The following SLC5A8 variants were observed in gnomAD, a reference collection of about 807,000 sequenced individuals.
The protein encoded by SLC5A8 is sodium-coupled monocarboxylate transporter 1.
Under a neutral mutation model 71.9 loss-of-function variants are expected in SLC5A8, and 55 were observed. The ratio of observed to expected loss-of-function variants is 0.77; its 90% CI spans 0.62 to 0.96. The LOEUF (loss-of-function observed/expected upper bound fraction) is 0.96. Ranked by LOEUF, SLC5A8 falls within the 40% of genes least tolerant of loss-of-function variation. SLC5A8 has a pLI of 0.00. For missense variants in SLC5A8, 701 were observed against 745.3 expected (o/e 0.94, Z 0.69); for synonymous variants, 307 against 276.1 (o/e 1.11, Z -1.11).
chr12:101,168,956 A>C (rs1311623966), intron 10 of SLC5A8, among the ~76,000 whole-genome samples: 1 of 152,220 alleles, frequency 6.6e-6, no homozygotes, highest in East Asian at 1.9e-4. Context: ...CAAAGAGAAA[A>C]TACCAAGTCA....
At chr12:101,174,499 C>T (rs2051860901) in intron 10 of SLC5A8, among the ~76,000 whole-genome samples, 1 of 152,118 alleles carries the variant, frequency 6.6e-6, no homozygotes, top group Non-Finnish European at 1.5e-5. Flanking sequence ...GTATTTAGTC[C>T]AGGTTAGTTA....
intron 1 of SLC5A8, among the ~76,000 whole-genome samples, chr12:101,208,568 C>A (rs1225550775): frequency 2.1e-5 from 3 of 145,706 alleles, no homozygotes; most frequent in Admixed American, 2.0e-4. Flanking sequence ...TTAAACTAAA[C>A]GTGCATCATC....
chr12:101,158,598 C>CTCTCTATATATATATA (rs1411795424), intron 13 of SLC5A8, among the ~76,000 whole-genome samples: 6 of 21,238 alleles, frequency 2.8e-4, no homozygotes, highest in Non-Finnish European at 3.5e-4. Context: ...CTCTCTCTCT[C>CTCTCTATATATATATA]TATATATATA....
At chr12:101,162,521 AG>A (rs2051733375) in intron 12 of SLC5A8, among the ~76,000 whole-genome samples, 1 of 152,244 alleles carries the variant, frequency 6.6e-6, no homozygotes, top group Non-Finnish European at 1.5e-5. Flanking sequence ...GACTGGATAA[AG>A]AAAATGTGGT....
At chr12:101,173,217 T>C (rs1281091053) in intron 10 of SLC5A8, among the ~76,000 whole-genome samples, 4 of 152,230 alleles carry the variant, frequency 2.6e-5, no homozygotes, top group Non-Finnish European at 5.9e-5. Flanking sequence ...TCTCGGCCTA[T>C]GAGTTGCAAA....
chr12:101,209,910 C>A lies in SLC5A8; in HGVS notation c.-62G>T. The stretch of plus-strand genomic sequence containing the variant: ...TGGCCCCGCGGCGCGCAGCCGGAGC[C>A]CGGCGCGCACTTCTTATCCCGGATC... On this transcript the variant is annotated 5_prime_UTR_variant, in exon 1 of 15. Coordinates refer to ENST00000536262, the MANE Select transcript of SLC5A8 (RefSeq NM_145913.5). 5 of 1,398,480 alleles carry A rather than the reference C, an allele frequency of 3.6e-6. No individual in the cohort carries two copies. The South Asian group carries it at 7.3e-5, about 21-fold the overall frequency. The allele number at this position is 1,398,480 out of a possible 1,614,324, so 86.6% of individuals were successfully genotyped here.
chr12:101,158,325 C>A lies in SLC5A8; in HGVS notation c.1634G>T (p.Gly545Val). Residue 545 changes from glycine (G) to valine (V), a missense_variant, in exon 14 of 15, where the codon GGA becomes GTA. Coordinates refer to ENST00000536262, the MANE Select transcript of SLC5A8 (RefSeq NM_145913.5). ...VGILVSLSTG[G>V]RKQNLDPRYI... ...TCTGGGGTCTAAGTTCTGTTTTCTT[C>A]CTCCTGGAAAAAAAAATGTACATGA... 6.3e-7 allele frequency: 1 copy of A among 1,577,480 alleles called. No homozygotes were observed. The highest frequency in any genetic ancestry group is 1.2e-5 in the South Asian group (1 of 86,626).
intron 3 of SLC5A8, among the ~76,000 whole-genome samples, chr12:101,200,946 A>G (rs1869434481): frequency 6.6e-6 from 1 of 152,200 alleles, no homozygotes; most frequent in African/African-American, 2.4e-5. Flanking sequence ...TTCTGTGTCT[A>G]TGCCTGTACC....
chr12:101,179,779 T>A (rs992186260), intron 10 of SLC5A8, among the ~76,000 whole-genome samples: 1 of 152,178 alleles, frequency 6.6e-6, no homozygotes, highest in African/African-American at 2.4e-5. Flanking sequence ...CTGCAAGATG[T>A]TACCACTGAG....
intron 10 of SLC5A8, among the ~76,000 whole-genome samples, chr12:101,175,604 AAAAAC>A (rs749179343): frequency 2.0e-5 from 3 of 152,052 alleles, no homozygotes; most frequent in African/African-American, 4.8e-5. Flanking sequence ...AAACTAAAGA[AAAAAC>A]AAAACAAAAC....
At chr12:101,185,432 A>G (rs2137149104) in intron 7 of SLC5A8, among the ~76,000 whole-genome samples, 1 of 152,340 alleles carries the variant, frequency 6.6e-6, no homozygotes, top group South Asian at 2.1e-4. Context: ...TGGCCCCCTC[A>G]AGTATAGGTA....
In SLC5A8 at chr12:101,168,441, C is replaced by T. The variant is rs147109541; in HGVS notation, c.1234-259G>A. On this transcript the variant is annotated intron_variant, in intron 10 of 14. Transcript: ENST00000536262. ...ACAAAGAAGATAGAGAGGTCTGCGA[C>T]AATGGTAGTGCCTATGTGAATGTAT... Among the ~76,000 whole-genome samples, 344 of 152,308 alleles carry T rather than the reference C, an allele frequency of 2.3e-3. 1 individual carries two copies. The highest frequency in any genetic ancestry group is 4.2e-3 in the Non-Finnish European group (286 of 68,026).
intron 2 of SLC5A8, among the ~76,000 whole-genome samples, 185 bp from the exon 3 acceptor site, chr12:101,202,400 T>G (rs1354037612): frequency 6.6e-6 from 1 of 152,224 alleles, no homozygotes; most frequent in Non-Finnish European, 1.5e-5. Context: ...CTCTTCTGTT[T>G]ACGGTATGAC....
At chr12:101,160,512 G>A (rs1057014750) in intron 13 of SLC5A8, among the ~76,000 whole-genome samples, 3 of 152,142 alleles carry the variant, frequency 2.0e-5, no homozygotes, top group Admixed American at 2.0e-4. Context: ...ACAACTAGTT[G>A]TAACACATGT....
At chr12:101,204,358 A>G in intron 2 of SLC5A8, 142 bp downstream of exon 2, 1 of 689,932 alleles carries the variant, frequency 1.4e-6, no homozygotes, top group Non-Finnish European at 2.5e-6. Flanking sequence ...GTACAGTGAC[A>G]AGTGTTTTTC....
chr12:101,210,027 A>C lies in SLC5A8; in HGVS notation c.-179T>G, dbSNP rs1410379145. Reference sequence around the variant, plus strand: ...ACCCCGAGGCGGGGTGAGGGCTGGCAGTCGCCCCTGCACCCGCCGCTGCGA... The same window carrying C: ...ACCCCGAGGCGGGGTGAGGGCTGGCCGTCGCCCCTGCACCCGCCGCTGCGA... On this transcript the variant is annotated 5_prime_UTR_variant, in exon 1 of 15. Transcript: ENST00000536262. 1.8e-6 allele frequency: 1 copy of C among 552,662 alleles called. No homozygotes were observed. The highest frequency in any genetic ancestry group is 2.0e-5 in the African/African-American group (1 of 49,728). The allele number at this position is 552,662 out of a possible 1,614,324, so 34.2% of individuals were successfully genotyped here. A position where few individuals can be genotyped will look rare whatever the true frequency, so the allele number is the denominator to read the frequency against.
chr12:101,187,632 T>C lies in SLC5A8; in HGVS notation c.834-117A>G, dbSNP rs1196417061. On this transcript the variant is annotated intron_variant, in intron 6 of 14. Transcript: ENST00000536262. The stretch of plus-strand genomic sequence containing the variant: ...GATTAGACTCAATAAATGTACATTA[T>C]CTTTTGATTATCGAAAACTCTACTT... 16 of 1,101,606 alleles carry C rather than the reference T, an allele frequency of 1.5e-5. No individual in the cohort carries two copies. The African/African-American group carries it at 2.4e-4, about 17-fold the overall frequency. The allele number at this position is 1,101,606 out of a possible 1,614,324, so 68.2% of individuals were successfully genotyped here.
At chr12:101,176,901 GAGAAA>G (rs1486238297) in intron 10 of SLC5A8, among the ~76,000 whole-genome samples, 1 of 151,646 alleles carries the variant, frequency 6.6e-6, no homozygotes, top group Non-Finnish European at 1.5e-5. Flanking sequence ...TCAAAGCAAG[GAGAAA>G]AGAAATCATA....
In SLC5A8 at chr12:101,164,888, C is replaced by A. The variant is rs150948883; in HGVS notation, c.1526+1606G>T. On this transcript the variant is annotated intron_variant, in intron 12 of 14. Coordinates refer to ENST00000536262, the MANE Select transcript of SLC5A8 (RefSeq NM_145913.5). Reference sequence around the variant, plus strand: ...GATCTTCCCCTTCATCTAGCCAAACCTATGCATTCTTGAAGTAGTAGTATA... The same window carrying A: ...GATCTTCCCCTTCATCTAGCCAAACATATGCATTCTTGAAGTAGTAGTATA... Among the ~76,000 whole-genome samples the A allele has an allele frequency of 7.9e-5, 12 of 152,306 alleles. No homozygotes were observed. In the East Asian group the frequency reaches 2.1e-3, roughly 27 times the overall value.
Sources: gnomAD v4.1 joint callset for allele counts (sites outside exome capture counted in the v4.1 genomes callset) on GRCh38, gnomAD v4.1.1 for gene constraint, MANE v1.5 for transcripts, NCBI Gene and HGNC (gene_info 2026-07-23, HGNC 2026-07-21) for gene names.